Variants in MROH2A observed in about 807,000 individuals in gnomAD.
MROH2A encodes maestro heat-like repeat-containing protein family member 2A.
In MROH2A, 174 loss-of-function variants were observed where a neutral mutation model predicts 200.4. That is an observed-to-expected ratio of 0.87 (90% CI 0.77 to 0.98). The LOEUF is 0.98. Among genes scored for constraint, MROH2A ranks in the 50% least tolerant of loss-of-function variants. The pLI, the probability that MROH2A is intolerant of heterozygous loss-of-function variation, is 0.00. For missense variants in MROH2A, 2,045 were observed against 2,139.6 expected (o/e 0.96, Z 0.87); for synonymous variants, 829 against 840.4 (o/e 0.99, Z 0.23).
chr2:233,818,125 G>A lies in MROH2A; in HGVS notation c.3085G>A (p.Ala1029Thr), dbSNP rs186106859. 5.2e-6 allele frequency: 8 copies of A among 1,550,310 alleles called. No individual in the cohort carries two copies. In the Admixed American group the frequency reaches 5.9e-5, roughly 11 times the overall value. The change falls in exon 28 of 42, where the codon GCA becomes ACA. Residue 1029 changes from alanine (A) to threonine (T), a missense_variant and splice_region_variant. Physicochemically the swap from Ala to Thr is moderately conservative, Grantham distance 58. Around this residue, in one of 3 missense-constraint regions of MROH2A, gnomAD observed 1,201 missense variants for 1,311.3 expected, o/e 0.92. Coordinates refer to ENST00000389758, the MANE Select transcript of MROH2A (RefSeq NM_001394639.1). The part of the protein sequence containing the change: ...NVLSSLLDLH[A>T]SQTCSLWGPS... ...CCTGTCCAGCCTGCTAGATCTTCAC[G>A]GTATGAGAGGGCAGGACATGAGGAC... is the stretch of plus-strand genomic sequence containing the variant.
chr2:233,814,658 G>A lies in MROH2A; in HGVS notation c.2837G>A (p.Gly946Glu). 1.3e-6 allele frequency: 2 copies of A among 1,550,360 alleles called. No individual in the cohort carries two copies. The highest frequency in any genetic ancestry group is 1.7e-6 in the Non-Finnish European group (2 of 1,146,872). The stretch of plus-strand genomic sequence containing the variant: ...CTGCAGAGGCAGCTGGACCCCAAGG[G>A]GCTGCAGGAGATGGTGCAGGTGAGT... ...SLLQRQLDPK[G>E]LQEMVQLLEK... Residue 946 changes from glycine to glutamate, a missense_variant, in exon 26 of 42, where the codon GGG becomes GAG. This residue lies in a region of MROH2A where 1,201 missense variants were observed against 1,311.3 expected (regional missense o/e 0.92). Coordinates refer to ENST00000389758, the MANE Select transcript of MROH2A (RefSeq NM_001394639.1).
chr2:233,800,564 A>T (rs1337347059), intron 14 of MROH2A, among the ~76,000 whole-genome samples: 10 of 152,264 alleles, frequency 6.6e-5, no homozygotes, highest in African/African-American at 2.4e-4. Context: ...GGCTGGCAGT[A>T]TCAGTCTGTA....
At chr2:233,790,048 G>A (rs1357623014) in intron 5 of MROH2A, 34 bp downstream of exon 5, 1 of 1,515,908 alleles carries the variant, frequency 6.6e-7, no homozygotes, top group East Asian at 2.5e-5. Flanking sequence ...CGGGCCCAGT[G>A]TGCCCTTCTG....
At chr2:233,812,204 G>C (rs1173280986) in intron 24 of MROH2A, among the ~76,000 whole-genome samples, 1 of 152,174 alleles carries the variant, frequency 6.6e-6, no homozygotes, top group Non-Finnish European at 1.5e-5. Flanking sequence ...ATGGCACATG[G>C]GTGGGCTGCT....
intron 30 of MROH2A, 121 bp downstream of exon 30, chr2:233,819,590 C>G: frequency 9.1e-7 from 1 of 1,098,974 alleles, no homozygotes; most frequent in Non-Finnish European, 1.3e-6. Context: ...CAACCCCTGG[C>G]TGCTAAAGAG....
chr2:233,830,790 T>C (rs573544162), intron 38 of MROH2A, among the ~76,000 whole-genome samples: 14 of 152,318 alleles, frequency 9.2e-5, no homozygotes, highest in African/African-American at 3.4e-4. Flanking sequence ...CTGGCCACCC[T>C]GGGCACAAGG....
rs1161713038 is a variant in MROH2A at position 233,820,804 on chromosome 2, C to G, written c.3512+748C>G. Among the ~76,000 whole-genome samples the G allele has an allele frequency of 6.6e-6, 1 of 152,198 alleles. No individual in the cohort carries two copies. The highest frequency in any genetic ancestry group is 1.9e-4 in the East Asian group (1 of 5,192). ...AGAAAAGAGTTTTAAAAATAGGCCCCGGCTCCAGAGCCACAAGGGCTGACC... is the reference window on the plus strand; with the variant it reads ...AGAAAAGAGTTTTAAAAATAGGCCCGGGCTCCAGAGCCACAAGGGCTGACC... On this transcript the variant is annotated intron_variant, in intron 31 of 41. Coordinates refer to ENST00000389758, the MANE Select transcript of MROH2A (RefSeq NM_001394639.1). This position sits in a 1 kb window ranked among gnomAD's most constrained non-coding sequence, Gnocchi z 4.1.
At chr2:233,779,985 G>C in intron 3 of MROH2A, 133 bp downstream of exon 3, 1 of 765,842 alleles carries the variant, frequency 1.3e-6, no homozygotes, top group Non-Finnish European at 2.0e-6. Flanking sequence ...AAGACTGTGA[G>C]GTGCTTACTC....
chr2:233,804,302 A>G, intron 17 of MROH2A, 110 bp downstream of exon 17: 1 of 1,461,694 alleles, frequency 6.8e-7, no homozygotes, highest in Non-Finnish European at 9.2e-7. Flanking sequence ...GTTGACCCAC[A>G]CAGCCAGCCC....
chr2:233,827,309 A>G (rs1704380762), intron 35 of MROH2A, among the ~76,000 whole-genome samples: 1 of 152,250 alleles, frequency 6.6e-6, no homozygotes, highest in Admixed American at 6.5e-5. Flanking sequence ...TAACAAAGAC[A>G]TGGAATCAAC....
chr2:233,809,895 A>G (rs1313687948), intron 22 of MROH2A, among the ~76,000 whole-genome samples: 1 of 125,920 alleles, frequency 7.9e-6, no homozygotes. Context: ...TCCATTCAAC[A>G]CCAACTCTCC....
At chr2:233,789,175 C>T (rs1318207882) in intron 3 of MROH2A, among the ~76,000 whole-genome samples, 2 of 152,080 alleles carry the variant, frequency 1.3e-5, no homozygotes, top group Non-Finnish European at 2.9e-5. Flanking sequence ...CAAGGTGAGC[C>T]TGCCTTCTTT....
chr2:233,798,712 A>G (rs2126121424), intron 11 of MROH2A, 62 bp from the exon 12 acceptor site: 2 of 1,243,202 alleles, frequency 1.6e-6, no homozygotes, highest in Non-Finnish European at 2.3e-6. Context: ...CTGATGTGGG[A>G]CGAGCCACCT....
chr2:233,802,490 A>G (rs1293204379), intron 15 of MROH2A, 175 bp downstream of exon 15: 2 of 694,710 alleles, frequency 2.9e-6, no homozygotes, highest in Admixed American at 2.9e-5. Flanking sequence ...ACCTGATCAT[A>G]TCTAGGTCAT....
intron 22 of MROH2A, among the ~76,000 whole-genome samples, chr2:233,809,798 G>A (rs1437647309): frequency 7.5e-6 from 1 of 134,162 alleles, no homozygotes; most frequent in African/African-American, 2.8e-5. Flanking sequence ...ATATAGTTCA[G>A]TGGCATGAGG....
chr2:233,780,756 T>C (rs1478892907), intron 3 of MROH2A, among the ~76,000 whole-genome samples: 2 of 152,242 alleles, frequency 1.3e-5, no homozygotes, highest in African/African-American at 4.8e-5. Context: ...CTGTTTCTTC[T>C]AGTTTTTTGA....
At chr2:233,794,900 C>G (rs988552444) in intron 8 of MROH2A, among the ~76,000 whole-genome samples, 15 of 152,212 alleles carry the variant, frequency 9.9e-5, no homozygotes, top group African/African-American at 3.4e-4. Flanking sequence ...TCTGAAGGCT[C>G]TAAGGAAGCA....
rs149759272 is a variant in MROH2A at position 233,821,720 on chromosome 2, C to A, written c.3513-404C>A. Among the ~76,000 whole-genome samples the A allele has an allele frequency of 1.9e-3, 293 of 152,136 alleles. 2 individuals carry two copies. The highest frequency in any genetic ancestry group is 6.8e-3 in the African/African-American group (283 of 41,444). On this transcript the variant is annotated intron_variant, in intron 31 of 41. Coordinates refer to ENST00000389758, the MANE Select transcript of MROH2A (RefSeq NM_001394639.1). ...TTCTGTGGAATAGGGAGACAAAATA[C>A]CTTCCTCAAAGATGTGTTGGGAGGG...
chr2:233,829,883 A>C (rs569751865), intron 38 of MROH2A, 108 bp downstream of exon 38: 2 of 1,106,864 alleles, frequency 1.8e-6, no homozygotes, highest in Non-Finnish European at 2.3e-6. Context: ...TCTCTGCCTC[A>C]GTTGGTTTTC....
Sources: allele counts gnomAD v4.1 joint callset (sites outside exome capture counted in the v4.1 genomes callset), GRCh38; gene constraint gnomAD v4.1.1; regional missense constraint gnomAD v4.1.1; non-coding constraint Gnocchi (gnomAD v3.1); transcripts MANE v1.5; gene names NCBI Gene and HGNC (gene_info 2026-07-23, HGNC 2026-07-21).